The following ARAP2 variants were observed in gnomAD, a reference collection of about 807,000 sequenced individuals.
The protein encoded by ARAP2 is ArfGAP with RhoGAP domain, ankyrin repeat and PH domain 2.
A neutral mutation model predicts 194.5 loss-of-function variants in ARAP2; 148 were observed. The observed-to-expected ratio is 0.76, with a 90% CI of 0.67 to 0.87. The LOEUF (loss-of-function observed/expected upper bound fraction) is 0.87. ARAP2 is among the 40% of genes least tolerant of loss of function. The probability of loss-of-function intolerance (pLI) is 0.00; values close to 1 mark genes in which losing one functional copy is unlikely to be tolerated. For missense variants in ARAP2, 2,128 were observed against 1,989.7 expected (o/e 1.07, Z -1.32); for synonymous variants, 695 against 683.5 (o/e 1.02, Z -0.26).
Position 36,128,740 on chromosome 4 carries a change from C to A in ARAP2, c.3433G>T (p.Gly1145Ter). 2.6e-6 allele frequency: 4 copies of A among 1,519,110 alleles called. No individual in the cohort carries two copies. Among genetic ancestry groups the A allele is most frequent in the Non-Finnish European group, 3.5e-6 (4 of 1,143,118 alleles). 94.1% of individuals were successfully genotyped at this position (1,519,110 alleles called of 1,614,324 possible). Reference sequence around the variant, plus strand: ...TTCTTTTGATAGATATATTTGCATCCTAAACCTTTGTTTAAAAAAAAAAAG... The same window carrying A: ...TTCTTTTGATAGATATATTTGCATCATAAACCTTTGTTTAAAAAAAAAAAG... Reference protein sequence around the residue: ...CIAFVTQYGLGCKYIYQKNGD... With the variant: ...CIAFVTQYGL Residue 1145 changes from glycine to a stop codon, truncating the protein, a stop_gained, in exon 21 of 33, where the codon GGA (glycine) becomes TGA (stop). Coordinates refer to ENST00000303965, the MANE Select transcript of ARAP2 (RefSeq NM_015230.4). LOFTEE classifies it high-confidence loss of function.
chr4:36,194,255 A>G (rs1742582228), intron 6 of ARAP2, among the ~76,000 whole-genome samples: 1 of 152,212 alleles, frequency 6.6e-6, no homozygotes, highest in Non-Finnish European at 1.5e-5. Context: ...GAAAAACAAA[A>G]GCAAAAAAAG....
chr4:36,025,687 A>G (rs1459681022), intron 5 of ARAP2, among the ~76,000 whole-genome samples: 1 of 152,190 alleles, frequency 6.6e-6, no homozygotes. Flanking sequence ...AGAAAGAAAA[A>G]AAAAAAACCT....
At chr4:36,020,971 G>C (rs922326605) in intron 5 of ARAP2, among the ~76,000 whole-genome samples, 30 of 152,304 alleles carry the variant, frequency 2.0e-4, no homozygotes, top group African/African-American at 7.2e-4. Flanking sequence ...GAAGGAAAGG[G>C]AGAGTTTCCG....
rs1725913986 is a variant in ARAP2 at position 36,068,118 on chromosome 4, C to A, written c.4904G>T (p.Cys1635Phe). The A allele has an allele frequency of 1.1e-5, 18 of 1,613,998 alleles. No individual in the cohort carries two copies. Among genetic ancestry groups the A allele is most frequent in the Non-Finnish European group, 1.5e-5 (18 of 1,179,988 alleles). The change falls in exon 33 of 33, where the codon TGC becomes TTC. Residue 1635 changes from cysteine (C) to phenylalanine (F), a missense_variant. Cys to Phe is a radical substitution (Grantham distance 205, BLOSUM62 -2). Transcript: ENST00000303965. Reference protein sequence around the residue: ...NRPRKHRSFNCLEDTEPEAPL... With the variant: ...NRPRKHRSFNFLEDTEPEAPL... ...GGCTTCAGGCTCTGTGTCCTCCAGGCAGTTGAAACTCCGATGTTTTCGGGG... is the reference window on the plus strand; with the variant it reads ...GGCTTCAGGCTCTGTGTCCTCCAGGAAGTTGAAACTCCGATGTTTTCGGGG...
At chr4:36,173,385 A>C (rs4450956) in intron 9 of ARAP2, among the ~76,000 whole-genome samples, 138,833 of 152,136 alleles carry the variant, frequency 0.91, 63,394 homozygotes, top group East Asian at 1. Flanking sequence ...CACACTATAC[A>C]CCTATCATTT....
intron 32 of ARAP2, among the ~76,000 whole-genome samples, chr4:36,070,847 T>G (rs1726687280): frequency 6.6e-6 from 1 of 152,194 alleles, no homozygotes; most frequent in African/African-American, 2.4e-5. Flanking sequence ...TATTCATAGT[T>G]TAAAGTAAAT....
intron 27 of ARAP2, among the ~76,000 whole-genome samples, chr4:36,103,815 C>G (rs1262923259): frequency 6.6e-6 from 1 of 151,816 alleles, no homozygotes; most frequent in Non-Finnish European, 1.5e-5. Context: ...TATATTCTTA[C>G]TTATGTGTGA....
chr4:36,167,001 G>T lies in ARAP2; in HGVS notation c.1904C>A (p.Ala635Glu). 1.2e-6 allele frequency: 2 copies of T among 1,608,072 alleles called. No homozygotes were observed. The highest frequency in any genetic ancestry group is 2.2e-5 in the South Asian group (2 of 90,044). The change falls in exon 10 of 33, where the codon GCA becomes GAA. Residue 635 changes from alanine (A) to glutamate (E), a missense_variant. Physicochemically the swap from Ala to Glu is moderately radical, Grantham distance 107. Coordinates refer to ENST00000303965, the MANE Select transcript of ARAP2 (RefSeq NM_015230.4). ...LGITIIPMNV[A>E]NVKQVDRTVK... ...AGTTCGGTCCACTTGCTTTACATTT[G>T]CTACATTCATAGGAATTATGGTAAT...
intron 6 of ARAP2, among the ~76,000 whole-genome samples, chr4:36,016,212 A>G (rs1715771698): frequency 6.6e-6 from 1 of 152,172 alleles, no homozygotes; most frequent in Non-Finnish European, 1.5e-5. Flanking sequence ...TGTATAGTAT[A>G]ATAGGACTTA....
rs142505965 is a variant in ARAP2 at position 36,090,640 on chromosome 4, G to A, written c.4425+1241C>T. ...ATGGATAGAACTGGAGGCCATTATC[G>A]TTGGCAAACTAGCATGGAATAGAAA... On this transcript the variant is annotated intron_variant, in intron 28 of 32. Coordinates refer to ENST00000303965, the MANE Select transcript of ARAP2 (RefSeq NM_015230.4). Among the ~76,000 whole-genome samples, 185 of 152,178 alleles carry A rather than the reference G, an allele frequency of 1.2e-3. 1 individual carries two copies. The highest frequency in any genetic ancestry group is 4.0e-3 in the African/African-American group (168 of 41,540).
chr4:36,241,365 A>G (rs766506672), intron 1 of ARAP2, among the ~76,000 whole-genome samples: 2 of 152,192 alleles, frequency 1.3e-5, no homozygotes, highest in Non-Finnish European at 2.9e-5. Flanking sequence ...AAAAGAGGGC[A>G]TTTCAGAAAA....
chr4:36,145,702 C>A (rs1015130661), intron 19 of ARAP2, among the ~76,000 whole-genome samples: 1 of 151,904 alleles, frequency 6.6e-6, no homozygotes, highest in Admixed American at 6.6e-5. Flanking sequence ...ATAAAAGAAA[C>A]TGTCTTCCTT....
At chr4:36,189,954 G>T (rs1455501422) in intron 7 of ARAP2, among the ~76,000 whole-genome samples, 2 of 152,100 alleles carry the variant, frequency 1.3e-5, no homozygotes, top group African/African-American at 4.8e-5. Flanking sequence ...GACCTTTGCT[G>T]GTTCCTTTGC....
At chr4:36,035,191 A>G (rs1262291427) in intron 5 of ARAP2, among the ~76,000 whole-genome samples, 1 of 151,842 alleles carries the variant, frequency 6.6e-6, no homozygotes. Flanking sequence ...TGTATAATTC[A>G]TCTGTGAATC....
intron 15 of ARAP2, chr4:36,157,331 C>A (rs1211373845): frequency 6.6e-6 from 1 of 151,622 alleles, no homozygotes; most frequent in Non-Finnish European, 1.5e-5. Context: ...ATCTTCTGAT[C>A]ACTTATCTTT....
At chr4:36,172,666 AG>A (rs1420871781) in intron 9 of ARAP2, among the ~76,000 whole-genome samples, 2 of 152,228 alleles carry the variant, frequency 1.3e-5, no homozygotes, top group African/African-American at 2.4e-5. Context: ...ACTCCTAAAA[AG>A]AAAAATAGGG....
intron 27 of ARAP2, among the ~76,000 whole-genome samples, chr4:36,105,227 G>GCT: frequency 6.6e-6 from 1 of 152,146 alleles, no homozygotes; most frequent in South Asian, 2.1e-4. Context: ...GGCTGAGGTA[G>GCT]GAGAATCACT....
At chr4:36,157,359 T>C (rs1426271571) in intron 15 of ARAP2, 2 of 139,600 alleles carry the variant, frequency 1.4e-5, no homozygotes, top group Non-Finnish European at 3.0e-5. Flanking sequence ...TTAGGGATAA[T>C]ACTGACAGTA....
intron 1 of ARAP2, among the ~76,000 whole-genome samples, chr4:36,231,541 A>G (rs1288972250): frequency 6.6e-6 from 1 of 152,184 alleles, no homozygotes; most frequent in East Asian, 1.9e-4. Context: ...GTATTCAGCC[A>G]CTTTAGAATT....
Sources: allele counts gnomAD v4.1 joint callset (sites outside exome capture counted in the v4.1 genomes callset), GRCh38; gene constraint gnomAD v4.1.1; transcripts MANE v1.5; gene names NCBI Gene and HGNC (gene_info 2026-07-23, HGNC 2026-07-21).